NELL1: variants seen among roughly 807,000 people sequenced by gnomAD.
NELL1 encodes neural EGFL like 1, also known as protein kinase C-binding protein NELL1.
In NELL1, 76 loss-of-function variants were observed where a neutral mutation model predicts 107.4. That is an observed-to-expected ratio of 0.71 (90% CI 0.59 to 0.86). The LOEUF (loss-of-function observed/expected upper bound fraction) is 0.86, where lower values mean the gene tolerates loss of function less well. NELL1 is among the 40% of genes least tolerant of loss of function. The probability of loss-of-function intolerance (pLI) is 0.00; values close to 1 mark genes in which losing one functional copy is unlikely to be tolerated. For missense variants in NELL1, 1,024 were observed against 1,005.5 expected (o/e 1.02, Z -0.25); for synonymous variants, 353 against 341.2 (o/e 1.03, Z -0.38).
intron 12 of NELL1, among the ~76,000 whole-genome samples, chr11:20,999,351 C>T (rs1852164297): frequency 1.3e-5 from 2 of 152,296 alleles, no homozygotes; most frequent in South Asian, 4.1e-4. Context: ...CTGTCCATAG[C>T]TTTGCTTTTG....
chr11:20,982,662 C>T (rs1387394000), intron 12 of NELL1, among the ~76,000 whole-genome samples: 1 of 152,176 alleles, frequency 6.6e-6, no homozygotes, highest in Non-Finnish European at 1.5e-5. Context: ...AGTGACTTGG[C>T]CAAGGCCATA....
chr11:21,165,121 C>T (rs1856452397), intron 13 of NELL1, among the ~76,000 whole-genome samples: 2 of 152,100 alleles, frequency 1.3e-5, no homozygotes, highest in South Asian at 4.1e-4. Flanking sequence ...TACAGTATTT[C>T]CCAGCTCATG....
At chr11:21,162,487 T>A (rs1193698991) in intron 13 of NELL1, among the ~76,000 whole-genome samples, 1 of 152,132 alleles carries the variant, frequency 6.6e-6, no homozygotes, top group Admixed American at 6.6e-5. Context: ...TACTGGTCAG[T>A]TTGTTTGTCT....
At chr11:20,848,060 G>A (rs1030037583) in intron 4 of NELL1, among the ~76,000 whole-genome samples, 3 of 152,202 alleles carry the variant, frequency 2.0e-5, no homozygotes, top group African/African-American at 7.2e-5. Context: ...ATTCCATGGA[G>A]CTGTGATCAC....
chr11:21,403,746 A>T (rs532684312), intron 15 of NELL1, among the ~76,000 whole-genome samples: 1 of 151,826 alleles, frequency 6.6e-6, no homozygotes, highest in Admixed American at 6.6e-5. Flanking sequence ...GTTATCAGAA[A>T]AAAAAGGAAG....
At position 21,211,959 on chromosome 11, in the gene NELL1, G is replaced by A. The variant is rs112740483; in HGVS notation, c.1427-17373G>A. On this transcript the variant is annotated intron_variant, in intron 13 of 19. Transcript: ENST00000357134. Reference sequence around the variant, plus strand: ...TCGTGCCTCAGCTTCCTGAGTAGCTGAGATTACAAGAGTATGCCACCACAC... The same window carrying A: ...TCGTGCCTCAGCTTCCTGAGTAGCTAAGATTACAAGAGTATGCCACCACAC... 8.0e-3 allele frequency among the ~76,000 whole-genome samples: 1,210 copies of A among 152,172 alleles called. 12 individuals carry two copies. Among genetic ancestry groups the A allele is most frequent in the Middle Eastern group, 0.031 (9 of 294 alleles).
At chr11:21,252,054 C>T (rs1008658023) in intron 14 of NELL1, among the ~76,000 whole-genome samples, 19 of 152,142 alleles carry the variant, frequency 1.2e-4, no homozygotes, top group Non-Finnish European at 2.5e-4. Flanking sequence ...CACATGTTTA[C>T]ACACACTGCT....
chr11:20,980,266 T>C (rs1851723444), intron 12 of NELL1, among the ~76,000 whole-genome samples: 2 of 152,184 alleles, frequency 1.3e-5, no homozygotes, highest in Non-Finnish European at 2.9e-5. Context: ...CGTTTACGTA[T>C]ATTATTTTAT....
intron 3 of NELL1, among the ~76,000 whole-genome samples, chr11:20,807,651 C>T (rs1232587401): frequency 6.6e-6 from 1 of 152,198 alleles, no homozygotes; most frequent in African/African-American, 2.4e-5. Context: ...TTCCCCTGGG[C>T]CCTGGGTGGG....
intron 14 of NELL1, among the ~76,000 whole-genome samples, chr11:21,242,267 A>G (rs751125616): frequency 2.6e-4 from 40 of 152,132 alleles, no homozygotes; most frequent in Non-Finnish European, 4.1e-4. Flanking sequence ...ATTCAGGAAT[A>G]CAGTCACTTT....
chr11:21,342,738 A>C (rs1351768893), intron 14 of NELL1, among the ~76,000 whole-genome samples: 1 of 151,980 alleles, frequency 6.6e-6, no homozygotes, highest in Non-Finnish European at 1.5e-5. Context: ...AGAGAAAGAA[A>C]GAGAATAGTA....
intron 12 of NELL1, among the ~76,000 whole-genome samples, chr11:20,986,351 T>C (rs1357184537): frequency 6.6e-6 from 1 of 152,104 alleles, no homozygotes; most frequent in Non-Finnish European, 1.5e-5. Context: ...AGATGTGGAG[T>C]GAAAGGCGTT....
At chr11:20,810,644 A>G (rs1857482862) in intron 3 of NELL1, among the ~76,000 whole-genome samples, 1 of 152,082 alleles carries the variant, frequency 6.6e-6, no homozygotes. Context: ...TGGTTCCATG[A>G]TTTTGCAATT....
At chr11:20,729,136 A>T (rs1353747025) in intron 2 of NELL1, among the ~76,000 whole-genome samples, 3 of 148,216 alleles carry the variant, frequency 2.0e-5, no homozygotes, top group African/African-American at 5.0e-5. Context: ...AATGCTACTG[A>T]TTTTTTTTTA....
intron 16 of NELL1, among the ~76,000 whole-genome samples, chr11:21,541,948 C>T (rs1199085722): frequency 1.3e-5 from 2 of 152,106 alleles, no homozygotes; most frequent in Admixed American, 6.6e-5. Flanking sequence ...GTGCCAGACA[C>T]TGCTCTCAGC....
In NELL1 at chr11:21,069,152, A is replaced by G. The variant is rs529782960; in HGVS notation, c.1301-44437A>G. 9.8e-5 allele frequency among the ~76,000 whole-genome samples: 15 copies of G among 152,344 alleles called. No homozygotes were observed. In the South Asian group the frequency reaches 3.1e-3, roughly 32 times the overall value. On this transcript the variant is annotated intron_variant, in intron 12 of 19. Transcript: ENST00000357134. ...ACAGAAGGCCTTAGAATTTGGACACAGGAAGAATAGCTAATGGATACAGGG... is the reference window on the plus strand; with the variant it reads ...ACAGAAGGCCTTAGAATTTGGACACGGGAAGAATAGCTAATGGATACAGGG...
chr11:20,899,535 A>C lies in NELL1; in HGVS notation c.603+13995A>C, dbSNP rs528949971. The stretch of plus-strand genomic sequence containing the variant: ...TATTGGAAAAGGTAGATATTTAATG[A>C]GTTAAACATCCAAATAGGGAAGTTA... On this transcript the variant is annotated intron_variant, in intron 5 of 19. Coordinates refer to ENST00000357134, the MANE Select transcript of NELL1 (RefSeq NM_006157.5). Among the ~76,000 whole-genome samples, 11 of 152,318 alleles carry C rather than the reference A, an allele frequency of 7.2e-5. No homozygotes were observed. The South Asian group carries it at 2.3e-3, about 32-fold the overall frequency.
intron 2 of NELL1, among the ~76,000 whole-genome samples, chr11:20,708,230 A>G (rs1370761728): frequency 1.3e-5 from 2 of 152,226 alleles, no homozygotes; most frequent in African/African-American, 4.8e-5. Context: ...CCGATTTTCC[A>G]GGTACCATCT....
intron 14 of NELL1, among the ~76,000 whole-genome samples, chr11:21,264,695 G>A (rs1009985209): frequency 6.6e-6 from 1 of 151,726 alleles, no homozygotes; most frequent in African/African-American, 2.4e-5. Context: ...TTGAAATAGA[G>A]ACTTTTGGGG....
Sources: gnomAD v4.1 joint callset for allele counts (sites outside exome capture counted in the v4.1 genomes callset) on GRCh38, gnomAD v4.1.1 for gene constraint, MANE v1.5 for transcripts, NCBI Gene and HGNC (gene_info 2026-07-23, HGNC 2026-07-21) for gene names.